TAFA1: variants seen among roughly 807,000 people sequenced by gnomAD.
The protein encoded by TAFA1 is TAFA chemokine like family member 1, also known as chemokine-like protein TAFA-1.
A neutral mutation model predicts 18.5 loss-of-function variants in TAFA1; 4 were observed. The observed-to-expected ratio is 0.22, with a 90% CI of 0.11 to 0.49. The LOEUF is 0.49. TAFA1 is among the 20% of genes least tolerant of loss of function. The pLI is 0.98. For missense variants in TAFA1, 147 were observed against 169.0 expected, an observed-to-expected ratio of 0.87 and a Z score of 0.72; for synonymous variants, 56 against 55.2, an observed-to-expected ratio of 1.01 and a Z score of -0.06.
At chr3:68,437,155 C>T (rs1466348957) in intron 3 of TAFA1, among the ~76,000 whole-genome samples, 8 of 152,140 alleles carry the variant, frequency 5.3e-5, no homozygotes, top group Admixed American at 3.9e-4. Context: ...ACCAATGCAT[C>T]GCAAGTTTGG....
chr3:68,378,616 G>T (rs1161156093), intron 2 of TAFA1, among the ~76,000 whole-genome samples: 2 of 152,146 alleles, frequency 1.3e-5, no homozygotes, highest in Non-Finnish European at 2.9e-5. Context: ...GTTTTCAAAT[G>T]TGAAAAGACA....
chr3:68,363,980 G>C (rs1166379441), intron 2 of TAFA1, among the ~76,000 whole-genome samples: 1 of 152,178 alleles, frequency 6.6e-6, no homozygotes, highest in Non-Finnish European at 1.5e-5. Context: ...CCAGCTGATG[G>C]ATTTGGTGGC....
chr3:68,267,280 T>C (rs1449592729), intron 2 of TAFA1, among the ~76,000 whole-genome samples: 1 of 152,174 alleles, frequency 6.6e-6, no homozygotes, highest in African/African-American at 2.4e-5. Context: ...TGTAAGAAAC[T>C]TACTGAACCC....
intron 2 of TAFA1, among the ~76,000 whole-genome samples, chr3:68,407,152 G>GA (rs896716490): frequency 1.3e-5 from 2 of 151,824 alleles, no homozygotes; most frequent in African/African-American, 2.4e-5. Flanking sequence ...TGAAAAAAGG[G>GA]AAAAAAATAA....
chr3:68,261,980 A>G (rs2067434502), intron 2 of TAFA1, among the ~76,000 whole-genome samples: 1 of 151,748 alleles, frequency 6.6e-6, no homozygotes, highest in African/African-American at 2.4e-5. Flanking sequence ...TAAAAAAAAA[A>G]GAAAAAGTGA....
At chr3:68,032,996 C>T (rs1471146696) in intron 2 of TAFA1, among the ~76,000 whole-genome samples, 2 of 152,048 alleles carry the variant, frequency 1.3e-5, no homozygotes, top group African/African-American at 4.8e-5. Context: ...TCATTTCCCC[C>T]AAAATTAAGT....
At chr3:68,533,521 AC>A (rs1355505185) in intron 3 of TAFA1, among the ~76,000 whole-genome samples, 1 of 152,218 alleles carries the variant, frequency 6.6e-6, no homozygotes, top group Admixed American at 6.5e-5. Flanking sequence ...GTGAGTGATC[AC>A]TAAATCTACA....
chr3:68,048,886 A>G, intron 2 of TAFA1, among the ~76,000 whole-genome samples: 1 of 152,214 alleles, frequency 6.6e-6, no homozygotes, highest in East Asian at 1.9e-4. Flanking sequence ...GGTTTCTCTC[A>G]AATCTTGGCT....
At chr3:68,136,525 C>T (rs961699224) in intron 2 of TAFA1, among the ~76,000 whole-genome samples, 1 of 152,172 alleles carries the variant, frequency 6.6e-6, no homozygotes, top group Non-Finnish European at 1.5e-5. Context: ...TTGCATGCCA[C>T]TGTTCCGTAG....
At chr3:68,336,627 A>G (rs1236119601) in intron 2 of TAFA1, among the ~76,000 whole-genome samples, 1 of 152,238 alleles carries the variant, frequency 6.6e-6, no homozygotes, top group African/African-American at 2.4e-5. Flanking sequence ...GAAAGTTACA[A>G]TTATCATTGT....
intron 2 of TAFA1, among the ~76,000 whole-genome samples, chr3:68,008,689 T>A (rs1704412515): frequency 6.6e-6 from 1 of 152,156 alleles, no homozygotes; most frequent in Non-Finnish European, 1.5e-5. Context: ...TGAGGAAGTG[T>A]GAGCCCCTTC....
intron 3 of TAFA1, among the ~76,000 whole-genome samples, chr3:68,461,833 T>C (rs974792125): frequency 2.6e-5 from 4 of 151,988 alleles, no homozygotes; most frequent in South Asian, 2.1e-4. Flanking sequence ...TTATGCCCAG[T>C]TTTCTGGTAG....
chr3:68,513,485 T>C (rs746265616), intron 3 of TAFA1, among the ~76,000 whole-genome samples: 18 of 152,220 alleles, frequency 1.2e-4, no homozygotes, highest in Non-Finnish European at 2.2e-4. Context: ...CACATGTGGC[T>C]AGTAGTTATC....
intron 2 of TAFA1, among the ~76,000 whole-genome samples, chr3:68,048,647 C>CT (rs1473049369): frequency 6.6e-6 from 1 of 152,178 alleles, no homozygotes; most frequent in East Asian, 1.9e-4. Flanking sequence ...ATTCTACTCT[C>CT]TATCTCCATT....
intron 2 of TAFA1, among the ~76,000 whole-genome samples, chr3:68,029,081 T>C (rs756485269): frequency 1.3e-5 from 2 of 152,080 alleles, no homozygotes; most frequent in Non-Finnish European, 2.9e-5. Context: ...AAACTTGACA[T>C]TGGATTTAAG....
At chr3:68,234,252 A>T (rs1468060930) in intron 2 of TAFA1, among the ~76,000 whole-genome samples, 2 of 152,190 alleles carry the variant, frequency 1.3e-5, no homozygotes. Context: ...TCCTACAGAA[A>T]GAAGCTAGAT....
intron 2 of TAFA1, among the ~76,000 whole-genome samples, chr3:68,020,807 T>C (rs1704671993): frequency 6.6e-6 from 1 of 152,150 alleles, no homozygotes; most frequent in Admixed American, 6.6e-5. Flanking sequence ...TAAGTCAATA[T>C]AAACAGGTCA....
chr3:68,090,738 T>C (rs567910819), intron 2 of TAFA1, among the ~76,000 whole-genome samples: 1 of 152,268 alleles, frequency 6.6e-6, no homozygotes. Context: ...GCTGGATGCC[T>C]TTTACTTGGG....
chr3:68,303,363 T>G (rs1310109435), intron 2 of TAFA1, among the ~76,000 whole-genome samples: 1 of 152,160 alleles, frequency 6.6e-6, no homozygotes, highest in Non-Finnish European at 1.5e-5. Context: ...AACATAACAC[T>G]TCAAAAATTA....
Sources: gnomAD v4.1 joint callset for allele counts (sites outside exome capture counted in the v4.1 genomes callset) on GRCh38, gnomAD v4.1.1 for gene constraint, MANE v1.5 for transcripts, NCBI Gene and HGNC (gene_info 2026-07-23, HGNC 2026-07-21) for gene names.